The following LRP1B variants were observed in gnomAD, a reference collection of about 807,000 sequenced individuals.
LRP1B encodes low-density lipoprotein receptor-related protein 1B.
In LRP1B, 217 loss-of-function variants were observed where a neutral mutation model predicts 556.6. That is an observed-to-expected ratio of 0.39 (90% CI 0.35 to 0.44). The LOEUF (loss-of-function observed/expected upper bound fraction) is 0.44, where lower values mean the gene tolerates loss of function less well. Ranked by LOEUF, LRP1B falls within the 20% of genes least tolerant of loss-of-function variation. LRP1B has a pLI of 1.00. For missense variants in LRP1B, 5,053 were observed against 5,620.8 expected, an observed-to-expected ratio of 0.90 and a Z score of 3.23; for synonymous variants, 2,047 against 1,865.8, an observed-to-expected ratio of 1.10 and a Z score of -2.50.
Position 140,716,731 on chromosome 2 carries a change from A to G in LRP1B, c.5844T>C (p.Ile1948=). The part of the protein sequence containing the change: ...KRDQTWKEDI[I]TNGLGRVEGI... ...CTTCCACTCTTCCCAAGCCATTGGT[A>G]ATGATATCTTCTTTCCAAGTCTGAT... The change falls in exon 36 of 91, where the codon ATT becomes ATC. Residue 1948 remains isoleucine, a synonymous_variant. Coordinates refer to ENST00000389484, the MANE Select transcript of LRP1B (RefSeq NM_018557.3). 1 of 1,612,224 alleles carries G rather than the reference A, an allele frequency of 6.2e-7. No individual in the cohort carries two copies. The highest frequency in any genetic ancestry group is 8.5e-7 in the Non-Finnish European group (1 of 1,178,626).
At chr2:141,121,893 C>T (rs1426730439) in intron 7 of LRP1B, among the ~76,000 whole-genome samples, 2 of 152,240 alleles carry the variant, frequency 1.3e-5, no homozygotes, top group Admixed American at 6.5e-5. Context: ...GGTACTGGTA[C>T]TAAAACAGAG....
intron 41 of LRP1B, among the ~76,000 whole-genome samples, chr2:140,672,790 G>A (rs996384029): frequency 6.6e-6 from 1 of 151,936 alleles, no homozygotes; most frequent in Non-Finnish European, 1.5e-5. Flanking sequence ...TCTCAAAAAC[G>A]TTGTGTCTTC....
At chr2:141,475,526 C>T (rs530603284) in intron 3 of LRP1B, among the ~76,000 whole-genome samples, 24 of 152,190 alleles carry the variant, frequency 1.6e-4, no homozygotes, top group African/African-American at 5.3e-4. Flanking sequence ...AGCAAAGGCC[C>T]CATCCTCAAG....
chr2:141,644,725 T>C (rs1224216592), intron 2 of LRP1B, among the ~76,000 whole-genome samples: 1 of 109,004 alleles, frequency 9.2e-6, no homozygotes, highest in Non-Finnish European at 1.8e-5. Flanking sequence ...TAAGCAGTCA[T>C]TGATCACACA....
In LRP1B at chr2:140,509,962, T is replaced by C; in HGVS notation, c.8364A>G (p.Pro2788=). The C allele has an allele frequency of 6.2e-7, 1 of 1,614,014 alleles. No homozygotes were observed. The highest frequency in any genetic ancestry group is 8.5e-7 in the Non-Finnish European group (1 of 1,180,028). The stretch of plus-strand genomic sequence containing the variant: ...CTGTGGAAAGCTCATCGCTTCCATC[T>C]GGACAGTCCCTTTCACCATCACAAA... The part of the protein sequence containing the change: ...HWLCDGERDC[P]DGSDELSTAG... The change falls in exon 52 of 91, where the codon CCA becomes CCG. Residue 2788 remains proline, a synonymous_variant. Transcript: ENST00000389484.
At chr2:140,975,282 G>GAGGA (rs1370341161) in intron 18 of LRP1B, among the ~76,000 whole-genome samples, 4 of 152,136 alleles carry the variant, frequency 2.6e-5, no homozygotes, top group Non-Finnish European at 5.9e-5. Flanking sequence ...AAATGAAAAG[G>GAGGA]AGGAAGTTCA....
chr2:141,809,304 T>G (rs55644061), intron 2 of LRP1B, among the ~76,000 whole-genome samples: 5,936 of 152,168 alleles, frequency 0.039, 409 homozygotes, highest in African/African-American at 0.13. Flanking sequence ...GCAAGACTTG[T>G]AAATGGAAAG....
intron 2 of LRP1B, among the ~76,000 whole-genome samples, chr2:141,730,521 C>T (rs912445710): frequency 6.6e-6 from 1 of 152,130 alleles, no homozygotes; most frequent in Non-Finnish European, 1.5e-5. Flanking sequence ...AAGGCTACCC[C>T]TTTTTGAATT....
At chr2:141,543,452 T>C (rs1685339363) in intron 2 of LRP1B, among the ~76,000 whole-genome samples, 1 of 149,104 alleles carries the variant, frequency 6.7e-6, no homozygotes, top group Admixed American at 6.7e-5. Flanking sequence ...GAGGCTGAAG[T>C]TGAGGTTGCA....
At chr2:140,620,144 G>C (rs575720640) in intron 41 of LRP1B, among the ~76,000 whole-genome samples, 4 of 152,114 alleles carry the variant, frequency 2.6e-5, no homozygotes, top group Admixed American at 6.5e-5. Flanking sequence ...ATATTGGTGA[G>C]GTCTTCTGAG....
At chr2:141,931,507 T>C (rs1030231342) in intron 1 of LRP1B, among the ~76,000 whole-genome samples, 1 of 152,054 alleles carries the variant, frequency 6.6e-6, no homozygotes, top group African/African-American at 2.4e-5. Context: ...ATTAGCATCA[T>C]CAATTCCATG....
intron 1 of LRP1B, among the ~76,000 whole-genome samples, chr2:142,023,117 A>G (rs555317998): frequency 6.6e-5 from 10 of 152,174 alleles, no homozygotes; most frequent in Non-Finnish European, 1.5e-4. Context: ...CTCTTGTTCT[A>G]TACCTTTCTA....
chr2:141,433,062 G>T (rs1366412448), intron 3 of LRP1B, among the ~76,000 whole-genome samples: 2 of 151,956 alleles, frequency 1.3e-5, no homozygotes, highest in Non-Finnish European at 2.9e-5. Context: ...TGCATTAGCT[G>T]CATAAATTTT....
Position 140,495,658 on chromosome 2 carries a change from G to T in LRP1B, c.8941C>A (p.Gln2981Lys), listed in dbSNP as rs1688892486. 1 of 1,613,956 alleles carries T rather than the reference G, an allele frequency of 6.2e-7. No homozygotes were observed. Among genetic ancestry groups the T allele is most frequent in the Non-Finnish European group, 8.5e-7 (1 of 1,179,894 alleles). ...ECSSGFPCSQ[Q>K]CINTYGTYKC... ...TAAGTCCCGTATGTATTGATGCATT[G>T]CTGGCTACAGGGAAAGCCTGAAGAG... The change falls in exon 56 of 91, where the codon CAA becomes AAA. Residue 2981 changes from glutamine (Q) to lysine (K), a missense_variant. Coordinates refer to ENST00000389484, the MANE Select transcript of LRP1B (RefSeq NM_018557.3).
At chr2:142,101,555 T>G (rs1706569904) in intron 1 of LRP1B, among the ~76,000 whole-genome samples, 2 of 152,034 alleles carry the variant, frequency 1.3e-5, no homozygotes, top group Non-Finnish European at 2.9e-5. Flanking sequence ...TCCTAAAGAC[T>G]CCAAATGAAG....
chr2:140,850,220 G>T lies in LRP1B; in HGVS notation c.4821C>A (p.Asp1607Glu), dbSNP rs372242789. ...ATGCATCGAAGTCTATCACAGTAAC[G>T]TCATCAATATCAGGGACTGTAAATG... The part of the protein sequence containing the change: ...ITAFTVPDID[D>E]VTVIDFDASE... The change falls in exon 29 of 91, where the codon GAC becomes GAA. Residue 1607 changes from aspartate to glutamate, a missense_variant. Physicochemically the swap from Asp to Glu is conservative, Grantham distance 45. Coordinates refer to ENST00000389484, the MANE Select transcript of LRP1B (RefSeq NM_018557.3). 6.2e-7 allele frequency: 1 copy of T among 1,612,240 alleles called. No homozygotes were observed. The highest frequency in any genetic ancestry group is 2.2e-5 in the East Asian group (1 of 44,792).
At chr2:140,906,972 TAA>T (rs398060601) in intron 22 of LRP1B, among the ~76,000 whole-genome samples, 5 of 142,760 alleles carry the variant, frequency 3.5e-5, no homozygotes, top group African/African-American at 7.8e-5. Flanking sequence ...CCACATATGG[TAA>T]AAAAAAAAAA....
In LRP1B at chr2:142,056,012, G is replaced by A. The variant is rs552313348; in HGVS notation, c.82+74636C>T. Among the ~76,000 whole-genome samples the A allele has an allele frequency of 2.6e-5, 4 of 152,128 alleles. No homozygotes were observed. In the South Asian group the frequency reaches 6.2e-4, roughly 24 times the overall value. On this transcript the variant is annotated intron_variant, in intron 1 of 90. Coordinates refer to ENST00000389484, the MANE Select transcript of LRP1B (RefSeq NM_018557.3). ...CTAAAAATACAAAAATTAGCTGGGC[G>A]TGGTATCGCATGCCTGTAATCCCAG...
chr2:141,888,973 T>G (rs1456975009), intron 1 of LRP1B, among the ~76,000 whole-genome samples: 2 of 152,148 alleles, frequency 1.3e-5, no homozygotes, highest in South Asian at 4.1e-4. Flanking sequence ...TTTAAAAATT[T>G]ATAATAATTG....
Sources: gnomAD v4.1 joint callset for allele counts (sites outside exome capture counted in the v4.1 genomes callset) on GRCh38, gnomAD v4.1.1 for gene constraint, MANE v1.5 for transcripts, NCBI Gene and HGNC (gene_info 2026-07-23, HGNC 2026-07-21) for gene names.